The following LUZP2 variants were observed in gnomAD, a reference collection of about 807,000 sequenced individuals.
LUZP2 encodes leucine zipper protein 2.
A neutral mutation model predicts 51.6 loss-of-function variants in LUZP2; 52 were observed. The ratio of observed to expected loss-of-function variants is 1.01; its 90% CI spans 0.81 to 1.27. The LOEUF (loss-of-function observed/expected upper bound fraction) is 1.27, where lower values mean the gene tolerates loss of function less well. Ranked by LOEUF, LUZP2 falls within the 50% of genes most tolerant of loss-of-function variation. LUZP2 has a pLI of 0.00. For missense variants in LUZP2, 436 were observed against 395.4 expected (o/e 1.10, Z -0.87); for synonymous variants, 154 against 137.3 (o/e 1.12, Z -0.85).
At chr11:24,908,001 G>A (rs1853511990) in intron 6 of LUZP2, among the ~76,000 whole-genome samples, 1 of 151,972 alleles carries the variant, frequency 6.6e-6, no homozygotes, top group Non-Finnish European at 1.5e-5. Flanking sequence ...AACATTCTCG[G>A]TAATGGGGCA....
chr11:24,741,984 T>TTTATATA (rs1859187971), intron 4 of LUZP2, among the ~76,000 whole-genome samples: 1 of 81,748 alleles, frequency 1.2e-5, no homozygotes, highest in African/African-American at 3.7e-5. Context: ...ATTTATATAT[T>TTTATATA]ATATATAAAT....
At chr11:24,850,979 C>T (rs1049573924) in intron 5 of LUZP2, among the ~76,000 whole-genome samples, 14 of 152,166 alleles carry the variant, frequency 9.2e-5, no homozygotes, top group African/African-American at 3.1e-4. Context: ...TTAGACTTTG[C>T]TGAAGTTGCT....
chr11:25,043,341 T>C (rs1254931191), intron 9 of LUZP2, among the ~76,000 whole-genome samples: 1 of 152,060 alleles, frequency 6.6e-6, no homozygotes, highest in Admixed American at 6.6e-5. Flanking sequence ...CAGTGGTCAA[T>C]CTTTTTTTAA....
chr11:24,767,873 T>C (rs1860252249), intron 5 of LUZP2, among the ~76,000 whole-genome samples: 1 of 152,202 alleles, frequency 6.6e-6, no homozygotes, highest in African/African-American at 2.4e-5. Flanking sequence ...CTTCCATACA[T>C]ATGGCAACTG....
chr11:24,543,425 C>A (rs938298261), intron 1 of LUZP2, among the ~76,000 whole-genome samples: 2 of 152,022 alleles, frequency 1.3e-5, no homozygotes, highest in Admixed American at 1.3e-4. Flanking sequence ...AAAAAGCTAT[C>A]TCAGACTATG....
At chr11:25,074,774 A>G (rs1042032001) in intron 10 of LUZP2, among the ~76,000 whole-genome samples, 1 of 152,076 alleles carries the variant, frequency 6.6e-6, no homozygotes, top group African/African-American at 2.4e-5. Flanking sequence ...TATTTATAGG[A>G]CAGAATTATC....
At chr11:24,828,046 CACAT>C (rs1408078522) in intron 5 of LUZP2, among the ~76,000 whole-genome samples, 5 of 151,894 alleles carry the variant, frequency 3.3e-5, no homozygotes, top group African/African-American at 1.2e-4. Flanking sequence ...CACACACACA[CACAT>C]ACACACACAC....
chr11:24,903,337 C>T (rs1362998699), intron 5 of LUZP2, among the ~76,000 whole-genome samples: 2 of 152,146 alleles, frequency 1.3e-5, no homozygotes, highest in African/African-American at 2.4e-5. Context: ...TTGTGTAAAA[C>T]ATTTCATGGT....
chr11:25,065,621 G>A (rs768510636), intron 10 of LUZP2, among the ~76,000 whole-genome samples: 16 of 151,976 alleles, frequency 1.1e-4, no homozygotes, highest in Non-Finnish European at 1.9e-4. Flanking sequence ...AATCTCTTAT[G>A]TGAACAGCAC....
At chr11:25,077,212 A>G (rs1859334819) in intron 10 of LUZP2, 117 bp from the exon 11 acceptor site, 4 of 802,640 alleles carry the variant, frequency 5.0e-6, no homozygotes, top group Non-Finnish European at 8.5e-6. Flanking sequence ...CCCTTTCAGT[A>G]TGGATCAAAG....
intron 5 of LUZP2, among the ~76,000 whole-genome samples, chr11:24,873,247 G>T (rs570168515): frequency 1.6e-4 from 25 of 152,186 alleles, no homozygotes; most frequent in African/African-American, 5.8e-4. Context: ...AAAGTGAAAT[G>T]GTATTTAGTA....
intron 7 of LUZP2, among the ~76,000 whole-genome samples, chr11:24,956,661 A>C (rs544914203): frequency 6.6e-6 from 1 of 152,118 alleles, no homozygotes; most frequent in Non-Finnish European, 1.5e-5. Context: ...ACAGGAAATA[A>C]AGATTTTGGT....
intron 1 of LUZP2, among the ~76,000 whole-genome samples, chr11:24,556,079 A>G (rs1196084833): frequency 1.3e-5 from 2 of 152,204 alleles, no homozygotes; most frequent in Non-Finnish European, 2.9e-5. Context: ...TTTAGTCTCT[A>G]TATGAGTGAC....
chr11:24,592,691 G>GAAA (rs113544553), intron 1 of LUZP2, among the ~76,000 whole-genome samples: 22 of 148,892 alleles, frequency 1.5e-4, no homozygotes, highest in South Asian at 6.3e-4. Context: ...TTGGAGAAAA[G>GAAA]AAAAAAAAAA....
rs374513143 is a variant in LUZP2 at position 24,996,996 on chromosome 11, A to C, written c.765+13703A>C. On this transcript the variant is annotated intron_variant, in intron 9 of 11. Transcript: ENST00000336930. ...GTATTCCATGGTGTATATGTGCCAC[A>C]TTTTCTTAATCCAGTCTATCATTGT... 8.0e-3 allele frequency among the ~76,000 whole-genome samples: 1,191 copies of C among 149,354 alleles called. 33 individuals carry two copies. In the East Asian group the frequency reaches 0.098, roughly 12 times the overall value.
At chr11:24,795,897 CTG>C (rs1229423046) in intron 5 of LUZP2, among the ~76,000 whole-genome samples, 1 of 152,032 alleles carries the variant, frequency 6.6e-6, no homozygotes, top group Non-Finnish European at 1.5e-5. Context: ...TGTGTAGTAA[CTG>C]TGATCTTGTT....
chr11:24,767,624 CAT>C lies in LUZP2; in HGVS notation c.396+4319_396+4320del, dbSNP rs556253913. Among the ~76,000 whole-genome samples the C allele has an allele frequency of 9.2e-5, 14 of 152,236 alleles. No individual in the cohort carries two copies. In the South Asian group the frequency reaches 2.5e-3, roughly 27 times the overall value. On this transcript the variant is annotated intron_variant, in intron 5 of 11. Transcript: ENST00000336930. ...TTACAATGGCCCACATTAAGTTTTTCATATGTTTGCAAATCAAGCAACGATAA... is the reference window on the plus strand; with the variant it reads ...TTACAATGGCCCACATTAAGTTTTTCATGTTTGCAAATCAAGCAACGATAA...
intron 5 of LUZP2, among the ~76,000 whole-genome samples, chr11:24,786,915 G>C (rs1849264670): frequency 6.6e-6 from 1 of 151,848 alleles, no homozygotes. Flanking sequence ...TTCTTTAGTA[G>C]GTATTGTACA....
intron 5 of LUZP2, among the ~76,000 whole-genome samples, chr11:24,788,495 C>G (rs561100302): frequency 6.6e-6 from 1 of 152,044 alleles, no homozygotes; most frequent in East Asian, 1.9e-4. Context: ...GCCCAGATGC[C>G]TATTTCATAC....
Sources: allele counts gnomAD v4.1 joint callset (sites outside exome capture counted in the v4.1 genomes callset), GRCh38; gene constraint gnomAD v4.1.1; transcripts MANE v1.5; gene names NCBI Gene and HGNC (gene_info 2026-07-23, HGNC 2026-07-21).